PHF21B: variants seen among roughly 807,000 people sequenced by gnomAD.
PHF21B encodes PHD finger protein 21B.
In PHF21B, 22 loss-of-function variants were observed where a neutral mutation model predicts 62.2. The ratio of observed to expected loss-of-function variants is 0.35; its 90% CI spans 0.25 to 0.51. The LOEUF is 0.51. Ranked by LOEUF, PHF21B falls within the 20% of genes least tolerant of loss-of-function variation. The probability of loss-of-function intolerance (pLI) is 0.97; values close to 1 mark genes in which losing one functional copy is unlikely to be tolerated. For missense variants in PHF21B, 701 were observed against 707.9 expected, an observed-to-expected ratio of 0.99 and a Z score of 0.11; for synonymous variants, 341 against 314.7, an observed-to-expected ratio of 1.08 and a Z score of -0.88.
At chr22:44,891,445 C>T in intron 7 of PHF21B, 85 bp from the exon 8 acceptor site, 1 of 1,518,794 alleles carries the variant, frequency 6.6e-7, no homozygotes, top group South Asian at 1.2e-5. Flanking sequence ...AGGACTCTCT[C>T]TGGGACAGGG....
intron 2 of PHF21B, among the ~76,000 whole-genome samples, chr22:44,942,694 CCT>C (rs984179489): frequency 3.9e-5 from 6 of 152,156 alleles, no homozygotes; most frequent in African/African-American, 7.2e-5. Flanking sequence ...CAGCCTGGCC[CCT>C]GAGCTGAGGC....
chr22:44,884,216 C>T (rs1276175703), intron 12 of PHF21B, among the ~76,000 whole-genome samples: 9 of 135,292 alleles, frequency 6.7e-5, no homozygotes, highest in African/African-American at 2.5e-4. Context: ...CCAACGTCAC[C>T]ACCACCACCA....
At chr22:44,949,351 T>C (rs909965100) in intron 2 of PHF21B, among the ~76,000 whole-genome samples, 1 of 148,168 alleles carries the variant, frequency 6.7e-6, no homozygotes, top group African/African-American at 2.5e-5. Context: ...AGGTAGGTGA[T>C]CATGCACCAG....
At chr22:44,994,455 AG>A (rs1367778262) in intron 2 of PHF21B, among the ~76,000 whole-genome samples, 1 of 152,174 alleles carries the variant, frequency 6.6e-6, no homozygotes, top group African/African-American at 2.4e-5. Context: ...GAAGCAAGAG[AG>A]GGGCCTCCCC....
chr22:44,984,999 T>G (rs934802021), intron 2 of PHF21B, among the ~76,000 whole-genome samples: 1 of 152,200 alleles, frequency 6.6e-6, no homozygotes, highest in Non-Finnish European at 1.5e-5. Context: ...GGCAACCCTG[T>G]GGGTTTTCTG....
intron 2 of PHF21B, chr22:45,001,927 G>A (rs530009187): frequency 1.3e-4 from 20 of 152,332 alleles, no homozygotes; most frequent in African/African-American, 4.1e-4. Context: ...TGAGACCCGC[G>A]CTTTACGATA....
intron 2 of PHF21B, among the ~76,000 whole-genome samples, chr22:45,005,282 G>A (rs1333098024): frequency 1.3e-5 from 2 of 152,122 alleles, no homozygotes; most frequent in South Asian, 2.1e-4. Context: ...GCAGCAAAGT[G>A]CAGCCACACC....
At position 44,914,104 on chromosome 22, in the gene PHF21B, G is replaced by A. The variant is rs1205497041; in HGVS notation, c.565-16C>T. 3 of 769,146 alleles carry A rather than the reference G, an allele frequency of 3.9e-6. No homozygotes were observed. Among genetic ancestry groups the A allele is most frequent in the East Asian group, 2.9e-5 (1 of 34,902 alleles). The allele number at this position is 769,146 out of a possible 1,614,324, so 47.6% of individuals were successfully genotyped here. A position where few individuals can be genotyped will look rare whatever the true frequency, so the allele number is the denominator to read the frequency against. Reference sequence around the variant, plus strand: ...GTGGAGGAGGCTGGAGAGCGAGGGTGAGGGGCACAGGGAGGAAGGGAAGAG... The same window carrying A: ...GTGGAGGAGGCTGGAGAGCGAGGGTAAGGGGCACAGGGAGGAAGGGAAGAG... On this transcript the variant is annotated splice_polypyrimidine_tract_variant and intron_variant, in intron 4 of 12. Coordinates refer to ENST00000313237, the MANE Select transcript of PHF21B (RefSeq NM_138415.5).
chr22:44,955,703 T>C (rs1025137559), intron 2 of PHF21B, among the ~76,000 whole-genome samples: 3 of 152,170 alleles, frequency 2.0e-5, no homozygotes, highest in Admixed American at 1.3e-4. Flanking sequence ...TTGGACTGAA[T>C]GACAGCACCG....
Position 44,920,431 on chromosome 22 carries a change from C to T in PHF21B, c.180G>A (p.Arg60=), listed in dbSNP as rs1175870565. 4 of 1,612,620 alleles carry T rather than the reference C, an allele frequency of 2.5e-6. No individual in the cohort carries two copies. Among genetic ancestry groups the T allele is most frequent in the South Asian group, 1.1e-5 (1 of 90,842 alleles). Reference sequence around the variant, plus strand: ...GCACTGCCGCTCCTTGCCCGGCCAACCTCTGCAAGGAGCTGACCTGAGGAC... The same window carrying T: ...GCACTGCCGCTCCTTGCCCGGCCAATCTCTGCAAGGAGCTGACCTGAGGAC... ...VTGPQVSSLQ[R]LAGQGAAVLP... Residue 60 remains arginine, a synonymous_variant, in exon 3 of 13, where the codon AGG becomes AGA. Coordinates refer to ENST00000313237, the MANE Select transcript of PHF21B (RefSeq NM_138415.5).
chr22:44,976,031 C>G (rs1313561822), intron 2 of PHF21B, among the ~76,000 whole-genome samples: 2 of 152,100 alleles, frequency 1.3e-5, no homozygotes, highest in Non-Finnish European at 2.9e-5. Flanking sequence ...TTTGGCCTGG[C>G]ATGGTGGTGC....
At chr22:44,971,305 G>A (rs1309408122) in intron 2 of PHF21B, 1 of 152,192 alleles carries the variant, frequency 6.6e-6, no homozygotes, top group Non-Finnish European at 1.5e-5. Context: ...GTATCTTTGG[G>A]TTTTCTCCGT....
chr22:45,007,920 G>A (rs1178719310), intron 2 of PHF21B, among the ~76,000 whole-genome samples: 2 of 151,984 alleles, frequency 1.3e-5, no homozygotes, highest in Non-Finnish European at 2.9e-5. Context: ...AGGGGGGGGA[G>A]CGGTCGCGCC....
At chr22:44,986,038 GCAC>G (rs967238777) in intron 2 of PHF21B, among the ~76,000 whole-genome samples, 129 of 144,200 alleles carry the variant, frequency 8.9e-4, no homozygotes, top group African/African-American at 3.2e-3. Context: ...ATCACCATCA[GCAC>G]CACCACCACT....
chr22:44,901,136 C>T (rs1030561939), intron 5 of PHF21B, among the ~76,000 whole-genome samples: 8 of 152,188 alleles, frequency 5.3e-5, no homozygotes, highest in African/African-American at 7.2e-5. Context: ...TCCAGCAGCT[C>T]GGCCAATCAG....
At chr22:44,901,205 TCTAA>T (rs1222101742) in intron 5 of PHF21B, among the ~76,000 whole-genome samples, 3 of 152,188 alleles carry the variant, frequency 2.0e-5, no homozygotes, top group African/African-American at 4.8e-5. Flanking sequence ...GGACCCTGTG[TCTAA>T]CTAACTGGAC....
In PHF21B at chr22:44,885,464, G is replaced by A; in HGVS notation, c.1339C>T (p.Leu447=). Residue 447 remains leucine, a synonymous_variant, in exon 12 of 13, where the codon CTG becomes TTG. Coordinates refer to ENST00000313237, the MANE Select transcript of PHF21B (RefSeq NM_138415.5). Reference sequence around the variant, plus strand: ...GCCAGCCGCCGGTCCCGCTCCTCCAGCTGCTGGTGCTCGTTCTGCAGCTCA... The same window carrying A: ...GCCAGCCGCCGGTCCCGCTCCTCCAACTGCTGGTGCTCGTTCTGCAGCTCA... The part of the protein sequence containing the change: ...GSELQNEHQQ[L]EERDRRLASA... 1 of 1,596,090 alleles carries A rather than the reference G, an allele frequency of 6.3e-7. No individual in the cohort carries two copies. Among genetic ancestry groups the A allele is most frequent in the Non-Finnish European group, 8.5e-7 (1 of 1,171,954 alleles).
At chr22:44,897,764 G>A (rs377077129) in intron 5 of PHF21B, among the ~76,000 whole-genome samples, 19 of 152,068 alleles carry the variant, frequency 1.2e-4, no homozygotes, top group East Asian at 9.7e-4. Context: ...AACCAACGTC[G>A]GTACATTATT....
chr22:44,906,331 C>T (rs1569218914), intron 5 of PHF21B, among the ~76,000 whole-genome samples: 1 of 152,018 alleles, frequency 6.6e-6, no homozygotes, highest in Non-Finnish European at 1.5e-5. Flanking sequence ...ATTTGCAGGG[C>T]GAATAGACAG....
Sources: allele counts gnomAD v4.1 joint callset (sites outside exome capture counted in the v4.1 genomes callset), GRCh38; gene constraint gnomAD v4.1.1; transcripts MANE v1.5; gene names NCBI Gene and HGNC (gene_info 2026-07-23, HGNC 2026-07-21).